REDIC1: variants seen among roughly 807,000 people sequenced by gnomAD.
REDIC1 encodes the protein regulator of DNA class I crossover intermediates 1.
chr12:39,764,902 T>A, the REDIC1 span: 1 of 1,588,380 alleles, frequency 6.3e-7, no homozygotes, highest in Non-Finnish European at 8.6e-7. Flanking sequence ...TGTTTTTGAC[T>A]ACAGTTGCAG....
At chr12:39,877,807 C>A in the REDIC1 span, among the ~76,000 whole-genome samples, 1 of 152,142 alleles carries the variant, frequency 6.6e-6, no homozygotes, top group Non-Finnish European at 1.5e-5. Context: ...AAAAATACAT[C>A]ATATTTTCCA....
the REDIC1 span, chr12:39,650,414 A>G: frequency 1.3e-6 from 2 of 1,535,302 alleles, no homozygotes; most frequent in South Asian, 1.3e-5. This position sits in a 1 kb window ranked among gnomAD's most constrained non-coding sequence, Gnocchi z 4.3. Context: ...TCACTTAGAA[A>G]TTTGATTTTA....
At chr12:39,749,297 C>T in the REDIC1 span, among the ~76,000 whole-genome samples, 1 of 152,078 alleles carries the variant, frequency 6.6e-6, no homozygotes, top group Non-Finnish European at 1.5e-5. Context: ...AACACCTCTA[C>T]ACAAATAAAC....
the REDIC1 span, among the ~76,000 whole-genome samples, chr12:39,904,545 C>A: frequency 2.0e-5 from 3 of 152,072 alleles, no homozygotes; most frequent in Non-Finnish European, 4.4e-5. Context: ...CTTTCATATG[C>A]CAACTGCCAC....
chr12:39,712,358 ATAC>A, the REDIC1 span, among the ~76,000 whole-genome samples: 1 of 133,526 alleles, frequency 7.5e-6, no homozygotes, highest in Non-Finnish European at 1.6e-5. Context: ...ATATACATAC[ATAC>A]ATACATATGT....
the REDIC1 span, among the ~76,000 whole-genome samples, chr12:39,778,046 T>C: frequency 6.6e-6 from 1 of 152,166 alleles, no homozygotes; most frequent in South Asian, 2.1e-4. Context: ...CCCTAGACAC[T>C]GCCATGGGGT....
the REDIC1 span, among the ~76,000 whole-genome samples, chr12:39,792,903 T>C: frequency 2.6e-5 from 4 of 152,298 alleles, no homozygotes; most frequent in East Asian, 7.7e-4. Context: ...GGGCTTCTCT[T>C]TCTACTTTCT....
the REDIC1 span, among the ~76,000 whole-genome samples, chr12:39,670,725 C>G: frequency 6.9e-6 from 1 of 144,620 alleles, no homozygotes; most frequent in Non-Finnish European, 1.5e-5. Flanking sequence ...TATGTCACGT[C>G]TTTCTACATT....
At chr12:39,867,484 A>T in the REDIC1 span, among the ~76,000 whole-genome samples, 1 of 152,142 alleles carries the variant, frequency 6.6e-6, no homozygotes, top group African/African-American at 2.4e-5. Context: ...ACAAAAAAAA[A>T]ACTGTTAAGT....
chr12:39,637,220 C>T, the REDIC1 span, among the ~76,000 whole-genome samples: 39 of 152,024 alleles, frequency 2.6e-4, no homozygotes, highest in African/African-American at 9.4e-4. Context: ...GTGGAGGATT[C>T]TATGAAGAGG....
the REDIC1 span, among the ~76,000 whole-genome samples, chr12:39,882,916 T>A: frequency 2.0e-5 from 3 of 152,220 alleles, no homozygotes; most frequent in Non-Finnish European, 4.4e-5. Flanking sequence ...CATATTTCTA[T>A]AAACTCCCAA....
chr12:39,845,639 T>C, the REDIC1 span, among the ~76,000 whole-genome samples: 1 of 152,238 alleles, frequency 6.6e-6, no homozygotes, highest in Admixed American at 6.5e-5. Context: ...GGAAGTTGTG[T>C]TGTGTGACAC....
the REDIC1 span, among the ~76,000 whole-genome samples, chr12:39,889,314 C>G: frequency 0.059 from 8,959 of 151,796 alleles, 329 homozygotes; most frequent in African/African-American, 0.1. Flanking sequence ...TTACTTTATT[C>G]TTTCAGGATT....
the REDIC1 span, among the ~76,000 whole-genome samples, chr12:39,712,122 A>G: frequency 7.0e-6 from 1 of 142,238 alleles, no homozygotes; most frequent in Non-Finnish European, 1.5e-5. Flanking sequence ...ACCTGTATAT[A>G]TACCTGTATG....
the REDIC1 span, chr12:39,871,840 C>T: frequency 6.2e-7 from 1 of 1,612,624 alleles, no homozygotes; most frequent in Non-Finnish European, 8.5e-7. Flanking sequence ...CCCACCTTCT[C>T]AACAAGCCAG....
chr12:39,759,809 T>C, the REDIC1 span: 2 of 520,472 alleles, frequency 3.8e-6, no homozygotes, highest in South Asian at 2.6e-5. Context: ...AATTATTAGA[T>C]TAAAATCTCT....
the REDIC1 span, among the ~76,000 whole-genome samples, chr12:39,902,845 T>C: frequency 6.6e-6 from 1 of 152,112 alleles, no homozygotes; most frequent in African/African-American, 2.4e-5. Context: ...ACATTCAAAC[T>C]CAAAGAAATA....
the REDIC1 span, among the ~76,000 whole-genome samples, chr12:39,821,550 G>A: frequency 1.3e-5 from 2 of 152,140 alleles, no homozygotes; most frequent in African/African-American, 2.4e-5. Flanking sequence ...AGCTTAATGC[G>A]TTGCTCACAC....
chr12:39,683,125 A>G, the REDIC1 span: 1 of 1,597,102 alleles, frequency 6.3e-7, no homozygotes, highest in Non-Finnish European at 8.5e-7. Flanking sequence ...CTACCCAAGC[A>G]GCTCTGAAAG....
Sources: gnomAD v4.1 joint callset for allele counts (sites outside exome capture counted in the v4.1 genomes callset) on GRCh38, gnomAD v4.1.1 for gene constraint, Gnocchi (gnomAD v3.1) non-coding constraint, MANE v1.5 for transcripts, NCBI Gene and HGNC (gene_info 2026-07-23, HGNC 2026-07-21) for gene names.